TXNRD2: variants seen among roughly 807,000 people sequenced by gnomAD.
The protein encoded by TXNRD2 is thioredoxin reductase 2, mitochondrial.
In TXNRD2, 67 loss-of-function variants were observed where a neutral mutation model predicts 70.8. That is an observed-to-expected ratio of 0.95 (90% CI 0.78 to 1.16). The LOEUF (loss-of-function observed/expected upper bound fraction) is 1.16, where lower values mean the gene tolerates loss of function less well. Among genes scored for constraint, TXNRD2 ranks in the 50% most tolerant of loss-of-function variants. TXNRD2 has a pLI of 0.00. For missense variants in TXNRD2, 644 were observed against 719.9 expected, an observed-to-expected ratio of 0.89 and a Z score of 1.21; for synonymous variants, 301 against 295.8, an observed-to-expected ratio of 1.02 and a Z score of -0.18.
chr22:19,880,084 G>A, intron 14 of TXNRD2, 95 bp downstream of exon 14: 1 of 1,315,220 alleles, frequency 7.6e-7, no homozygotes. Context: ...GGAAAGGAGA[G>A]ACCTTGGCAC....
chr22:19,915,547 T>G (rs1486869440), intron 6 of TXNRD2, among the ~76,000 whole-genome samples: 3 of 152,142 alleles, frequency 2.0e-5, no homozygotes, highest in Non-Finnish European at 2.9e-5. Context: ...GCAAAAAGGG[T>G]GTGGTCACCA....
chr22:19,877,543 C>T (rs1409329095), intron 16 of TXNRD2, among the ~76,000 whole-genome samples: 1 of 152,156 alleles, frequency 6.6e-6, no homozygotes, highest in South Asian at 2.1e-4. Context: ...TCTGCTTTAC[C>T]CACAGACAGC....
intron 1 of TXNRD2, among the ~76,000 whole-genome samples, chr22:19,940,006 G>T (rs1472036338): frequency 6.6e-6 from 1 of 152,088 alleles, no homozygotes; most frequent in African/African-American, 2.4e-5. Context: ...CACTTTGGGA[G>T]GCCAAGGCAG....
intron 16 of TXNRD2, among the ~76,000 whole-genome samples, chr22:19,877,622 G>A (rs1045292639): frequency 1.3e-5 from 2 of 152,176 alleles, no homozygotes; most frequent in African/African-American, 4.8e-5. Flanking sequence ...CTCAGGCCAT[G>A]CACAATGTCC....
intron 2 of TXNRD2, among the ~76,000 whole-genome samples, chr22:19,919,966 A>G (rs534240796): frequency 1.9e-4 from 29 of 152,178 alleles, no homozygotes; most frequent in Admixed American, 4.6e-4. Context: ...GTTCACCATA[A>G]GCCCAGTGCC....
rs1386182208 is a variant in TXNRD2, at chr22:19,875,701, C to T, written c.*172G>A. On this transcript the variant is annotated 3_prime_UTR_variant, in exon 18 of 18. Coordinates refer to ENST00000400521, the MANE Select transcript of TXNRD2 (RefSeq NM_006440.5). Reference sequence around the variant, plus strand: ...GAGGTGGACAGTCCCCTGAGCCATCCCTGTGGGGCACACGGGCCACCTGTC... The same window carrying T: ...GAGGTGGACAGTCCCCTGAGCCATCTCTGTGGGGCACACGGGCCACCTGTC... 1.3e-5 allele frequency: 2 copies of T among 152,268 alleles called. No individual in the cohort carries two copies. The highest frequency in any genetic ancestry group is 2.9e-5 in the Non-Finnish European group (2 of 68,116). 9.4% of individuals were successfully genotyped at this position (152,268 alleles called of 1,614,324 possible).
chr22:19,935,479 T>C (rs1941506925), intron 1 of TXNRD2, among the ~76,000 whole-genome samples: 1 of 152,216 alleles, frequency 6.6e-6, no homozygotes, highest in African/African-American at 2.4e-5. Flanking sequence ...ATTTTGCCCT[T>C]GTCCTGTTTC....
At chr22:19,915,620 G>C in intron 6 of TXNRD2, 145 bp downstream of exon 6, 1 of 766,512 alleles carries the variant, frequency 1.3e-6, no homozygotes, top group South Asian at 1.5e-5. Context: ...TTAAAGACAA[G>C]TGCCCAGCCT....
At chr22:19,889,552 G>A (rs997118651) in intron 11 of TXNRD2, among the ~76,000 whole-genome samples, 4 of 152,092 alleles carry the variant, frequency 2.6e-5, no homozygotes, top group Admixed American at 6.5e-5. Context: ...TGGAGGTTGC[G>A]GTGAGCCAGA....
intron 12 of TXNRD2, among the ~76,000 whole-genome samples, chr22:19,881,853 G>C (rs1938794505): frequency 6.6e-6 from 1 of 152,242 alleles, no homozygotes; most frequent in Non-Finnish European, 1.5e-5. Context: ...TGGGGCTGCA[G>C]GGTGGCTGAG....
At chr22:19,911,758 T>C (rs1912910228) in intron 7 of TXNRD2, among the ~76,000 whole-genome samples, 2 of 152,126 alleles carry the variant, frequency 1.3e-5, no homozygotes, top group Admixed American at 6.5e-5. Flanking sequence ...GTACAGCAAC[T>C]GCAGGGGCCA....
chr22:19,935,163 T>G (rs1187601912), intron 1 of TXNRD2, among the ~76,000 whole-genome samples: 2 of 152,182 alleles, frequency 1.3e-5, no homozygotes, highest in African/African-American at 2.4e-5. Context: ...GTAGGAGAGA[T>G]ATCGCTAAAT....
chr22:19,938,138 C>T (rs1232720770), intron 1 of TXNRD2: 1 of 152,190 alleles, frequency 6.6e-6, no homozygotes, highest in Non-Finnish European at 1.5e-5. Flanking sequence ...GGGTCACTGG[C>T]CCTTTACCTC....
At chr22:19,913,391 T>G (rs1320803974) in intron 7 of TXNRD2, among the ~76,000 whole-genome samples, 1 of 152,148 alleles carries the variant, frequency 6.6e-6, no homozygotes, top group African/African-American at 2.4e-5. Context: ...CAGTGATGTG[T>G]CAGAGAGAGC....
At chr22:19,890,436 G>A (rs1939214243) in intron 11 of TXNRD2, among the ~76,000 whole-genome samples, 1 of 152,350 alleles carries the variant, frequency 6.6e-6, no homozygotes, top group East Asian at 1.9e-4. Flanking sequence ...TCCACCCTGA[G>A]AGCATGGAGG....
At chr22:19,935,801 T>C (rs984780736) in intron 1 of TXNRD2, among the ~76,000 whole-genome samples, 1 of 152,216 alleles carries the variant, frequency 6.6e-6, no homozygotes, top group Non-Finnish European at 1.5e-5. Flanking sequence ...GGTTTTCTTT[T>C]TCCTAAGTGC....
At chr22:19,913,444 G>A (rs1303639955) in intron 7 of TXNRD2, among the ~76,000 whole-genome samples, 1 of 152,156 alleles carries the variant, frequency 6.6e-6, no homozygotes, top group Non-Finnish European at 1.5e-5. Context: ...ACAAAGAAGA[G>A]TCAGAGTCAG....
chr22:19,896,283 G>A lies in TXNRD2; in HGVS notation c.775-702C>T, dbSNP rs62222120. ...ACTGCACTCCAGCCTGGGTGACAGA[G>A]TGAGACTCTGTCTCAAACCAAAAAA... is the stretch of plus-strand genomic sequence containing the variant. On this transcript the variant is annotated intron_variant, in intron 10 of 17. Transcript: ENST00000400521. Among the ~76,000 whole-genome samples the A allele has an allele frequency of 3.2e-3, 487 of 151,826 alleles. 2 individuals are homozygous for A. Among genetic ancestry groups the A allele is most frequent in the Non-Finnish European group, 5.0e-3 (342 of 67,976 alleles).
chr22:19,899,317 C>G (rs540102882), intron 8 of TXNRD2, among the ~76,000 whole-genome samples: 2 of 152,350 alleles, frequency 1.3e-5, no homozygotes, highest in South Asian at 4.1e-4. Flanking sequence ...TACCTGTCCC[C>G]TGGAAGGCAC....
Sources: allele counts gnomAD v4.1 joint callset (sites outside exome capture counted in the v4.1 genomes callset), GRCh38; gene constraint gnomAD v4.1.1; transcripts MANE v1.5; gene names NCBI Gene and HGNC (gene_info 2026-07-23, HGNC 2026-07-21).